Variants in ANO7 observed in about 807,000 individuals in gnomAD.
The protein encoded by ANO7 is anoctamin-7.
A neutral mutation model predicts 115.8 loss-of-function variants in ANO7; 114 were observed. That is an observed-to-expected ratio of 0.98 (90% CI 0.85 to 1.15). ANO7 has a LOEUF of 1.15. ANO7 is among the 50% of genes most tolerant of loss of function. The pLI is 0.00. For synonymous variants in ANO7, 550 were observed against 498.2 expected, an observed-to-expected ratio of 1.10 and a Z score of -1.38; for missense variants, 1,302 against 1,201.2, an observed-to-expected ratio of 1.08 and a Z score of -1.24.
chr2:241,190,244 G>A (rs969886969), intron 2 of ANO7, 73 bp downstream of exon 2: 100 of 1,336,078 alleles, frequency 7.5e-5, no homozygotes, highest in Non-Finnish European at 9.8e-5. Context: ...CCCACCCTGG[G>A]CCCAGAGCCT....
chr2:241,221,464 C>T (rs2069012939), intron 21 of ANO7, among the ~76,000 whole-genome samples: 1 of 151,896 alleles, frequency 6.6e-6, no homozygotes, highest in Non-Finnish European at 1.5e-5. Context: ...CTGCAACCCC[C>T]GCCTCCTGGG....
chr2:241,238,434 G>C, the ANO7 span: 5 of 397,284 alleles, frequency 1.3e-5, no homozygotes, highest in African/African-American at 2.0e-5. This position sits in a 1 kb window ranked among gnomAD's most constrained non-coding sequence, Gnocchi z 4.9. Context: ...GTGTCTCTAG[G>C]ACCTATGAAG....
chr2:241,204,730 C>A (rs2149182128), intron 9 of ANO7, 135 bp from the exon 10 acceptor site: 1 of 637,966 alleles, frequency 1.6e-6, no homozygotes. Flanking sequence ...TACCTCTTGG[C>A]CTCCTCACAT....
chr2:241,209,542 C>G lies in ANO7; in HGVS notation c.1266C>G (p.Ala422=). ...PQFAASAPMT[A]PNPITGEDEP... is the part of the protein sequence containing the mutation. ...TTGCCGCCTCAGCCCCCATGACAGC[C>G]CCGAACCCCATCACGGGTGAGGACG... Residue 422 remains alanine, a synonymous_variant, in exon 13 of 25, where the codon GCC becomes GCG. Transcript: ENST00000674324. 6.3e-7 allele frequency: 1 copy of G among 1,598,932 alleles called. No homozygotes were observed. Among genetic ancestry groups the G allele is most frequent in the Admixed American group, 1.7e-5 (1 of 59,054 alleles).
chr2:241,239,554 G>A, the ANO7 span: 8 of 1,493,506 alleles, frequency 5.4e-6, no homozygotes, highest in Non-Finnish European at 7.5e-6. This position sits in a 1 kb window ranked among gnomAD's most constrained non-coding sequence, Gnocchi z 4.6. Context: ...GCTTCGGTGA[G>A]TGGCCACTGG....
At chr2:241,204,162 G>A (rs556415799) in intron 9 of ANO7, among the ~76,000 whole-genome samples, 7 of 152,300 alleles carry the variant, frequency 4.6e-5, no homozygotes, top group East Asian at 1.9e-4. Context: ...GGACTCACCC[G>A]GCCATCTCAG....
the ANO7 span, chr2:241,233,976 G>T: frequency 3.7e-5 from 59 of 1,613,954 alleles, no homozygotes; most frequent in Non-Finnish European, 4.7e-5. This position sits in a 1 kb window ranked among gnomAD's most constrained non-coding sequence, Gnocchi z 4.3. Flanking sequence ...ACAAATGAAA[G>T]GAGCAAGAAT....
chr2:241,235,635 A>G, the ANO7 span: 1 of 1,427,354 alleles, frequency 7.0e-7, no homozygotes, highest in East Asian at 2.3e-5. Flanking sequence ...GGGAGCTGAG[A>G]GCAGAGTGAC....
intron 3 of ANO7, among the ~76,000 whole-genome samples, chr2:241,193,777 C>A (rs2068257680): frequency 6.6e-6 from 1 of 152,178 alleles, no homozygotes; most frequent in Non-Finnish European, 1.5e-5. Flanking sequence ...TTAACGTATG[C>A]CTGATGTATT....
Position 241,224,151 on chromosome 2 carries a change from T to G in ANO7, c.2638T>G (p.Ter880GlyextTer207). Residue 880 changes from the stop codon to glycine (G), a stop_lost, in exon 25 of 25, where the codon TGA (stop) becomes GGA (glycine). Transcript: ENST00000674324. The part of the protein sequence containing the change: ...TVPKASQLQQ[*>G] Reference sequence around the variant, plus strand: ...TCCCAAGGCCAGCCAGCTGCAGCAGTGACGCCTGGAAGGACATCTGGTGGT... The same window carrying G: ...TCCCAAGGCCAGCCAGCTGCAGCAGGGACGCCTGGAAGGACATCTGGTGGT... 6.3e-7 allele frequency: 1 copy of G among 1,599,722 alleles called. No individual in the cohort carries two copies. Among genetic ancestry groups the G allele is most frequent in the Non-Finnish European group, 8.6e-7 (1 of 1,167,470 alleles).
In ANO7 at chr2:241,203,511, C is replaced by A. The variant is rs202066893; in HGVS notation, c.889+13C>A. On this transcript the variant is annotated intron_variant, in intron 9 of 24. Transcript: ENST00000674324. This position sits in a 1 kb window ranked among gnomAD's most constrained non-coding sequence, Gnocchi z 4.8. Reference sequence around the variant, plus strand: ...TTCGCCTGGCTCGGTGAGTCCCCCCCGCTGCCCCCCAGACCACCTGGGCCC... The same window carrying A: ...TTCGCCTGGCTCGGTGAGTCCCCCCAGCTGCCCCCCAGACCACCTGGGCCC... 1.4e-6 allele frequency: 2 copies of A among 1,455,536 alleles called. No homozygotes were observed. The highest frequency in any genetic ancestry group is 1.8e-6 in the Non-Finnish European group (2 of 1,100,350). The allele number at this position is 1,455,536 out of a possible 1,614,324, so 90.2% of individuals were successfully genotyped here. A position where few individuals can be genotyped will look rare whatever the true frequency, so the allele number is the denominator to read the frequency against.
Position 241,210,834 on chromosome 2 carries a change from A to ATT in ANO7, c.1561+277_1561+278dup, listed in dbSNP as rs142419766. 1.4e-3 allele frequency among the ~76,000 whole-genome samples: 199 copies of ATT among 146,022 alleles called. 1 individual carries two copies. Among genetic ancestry groups the ATT allele is most frequent in the African/African-American group, 4.4e-3 (172 of 38,966 alleles). On this transcript the variant is annotated intron_variant, in intron 15 of 24. Transcript: ENST00000674324. Reference sequence around the variant, plus strand: ...ACCTGGACCACTGTGCCCAGCTGAAATTTTTTTTTTTTTTGATAGAGACAG... The same window carrying ATT: ...ACCTGGACCACTGTGCCCAGCTGAAATTTTTTTTTTTTTTTTGATAGAGACAG...
downstream of ANO7, chr2:241,229,928 C>T: frequency 6.2e-7 from 1 of 1,604,080 alleles, no homozygotes; most frequent in African/African-American, 1.3e-5. Context: ...TTCATGTATA[C>T]CTGCAGCGCC....
chr2:241,216,379 A>T, intron 19 of ANO7, 141 bp downstream of exon 19: 3 of 1,126,268 alleles, frequency 2.7e-6, no homozygotes, highest in Non-Finnish European at 3.6e-6. Context: ...GTGGGAACAG[A>T]GGGTCGGGCC....
intron 17 of ANO7, among the ~76,000 whole-genome samples, chr2:241,213,206 C>T (rs1222070059): frequency 7.8e-6 from 1 of 128,068 alleles, no homozygotes; most frequent in South Asian, 2.1e-4. Flanking sequence ...TCATGGCACA[C>T]GGCCCGCAGG....
At chr2:241,192,527 T>C (rs551075292) in intron 3 of ANO7, among the ~76,000 whole-genome samples, 30 of 152,254 alleles carry the variant, frequency 2.0e-4, no homozygotes, top group African/African-American at 6.3e-4. Flanking sequence ...CGAGTTGTCA[T>C]GGATTAGGGC....
In ANO7 at chr2:241,212,639, G is replaced by A; in HGVS notation, c.1728+13G>A. The A allele has an allele frequency of 6.2e-7, 1 of 1,610,550 alleles. No individual in the cohort carries two copies. The highest frequency in any genetic ancestry group is 8.5e-7 in the Non-Finnish European group (1 of 1,178,370). ...CCGCAATGAGGAGGTGAGTGTGCCT[G>A]AGGCCCGGGACTGGGGGATGAGCTG... On this transcript the variant is annotated intron_variant, in intron 17 of 24. Transcript: ENST00000674324.
chr2:241,215,905 A>C (rs531237046), intron 18 of ANO7, among the ~76,000 whole-genome samples, 188 bp from the exon 19 acceptor site: 1 of 152,274 alleles, frequency 6.6e-6, no homozygotes, highest in African/African-American at 2.4e-5. Flanking sequence ...AGACGCTTTC[A>C]CTGAGTCCGA....
intron 15 of ANO7, 152 bp from the exon 16 acceptor site, chr2:241,211,942 G>A (rs760251040): frequency 9.2e-5 from 57 of 619,548 alleles, no homozygotes; most frequent in Non-Finnish European, 1.4e-4. Flanking sequence ...GGGTGACTTC[G>A]GAAATGTCAC....
Sources: gnomAD v4.1 joint callset for allele counts (sites outside exome capture counted in the v4.1 genomes callset) on GRCh38, gnomAD v4.1.1 for gene constraint, Gnocchi (gnomAD v3.1) non-coding constraint, MANE v1.5 for transcripts, NCBI Gene and HGNC (gene_info 2026-07-23, HGNC 2026-07-21) for gene names.